The following FERRY3 variants were observed in gnomAD, a reference collection of about 807,000 sequenced individuals.
FERRY3 encodes the protein protein C12orf4.
chr12:4,522,843 A>T, the FERRY3 span, among the ~76,000 whole-genome samples: 1 of 152,256 alleles, frequency 6.6e-6, no homozygotes, highest in Non-Finnish European at 1.5e-5. Flanking sequence ...AAAAAGAACC[A>T]CTAATAAACA....
the FERRY3 span, among the ~76,000 whole-genome samples, chr12:4,505,858 T>G: frequency 6.6e-6 from 1 of 152,218 alleles, no homozygotes; most frequent in African/African-American, 2.4e-5. Flanking sequence ...TGATATAACT[T>G]GTTCAGGGCT....
chr12:4,503,713 T>C, the FERRY3 span, among the ~76,000 whole-genome samples: 1 of 152,200 alleles, frequency 6.6e-6, no homozygotes, highest in Non-Finnish European at 1.5e-5. Flanking sequence ...AAGAGAGTCC[T>C]TGTTATGTTC....
chr12:4,504,911 C>T, the FERRY3 span, among the ~76,000 whole-genome samples: 5 of 151,908 alleles, frequency 3.3e-5, no homozygotes, highest in East Asian at 1.9e-4. Context: ...AAGACCAGCC[C>T]GGCCAACATG....
the FERRY3 span, chr12:4,502,587 G>T: frequency 2.9e-6 from 1 of 345,818 alleles, no homozygotes; most frequent in African/African-American, 2.2e-5. This position sits in a 1 kb window ranked among gnomAD's most constrained non-coding sequence, Gnocchi z 4.2. Context: ...AAAGGTCTGC[G>T]TATCTCTACT....
chr12:4,513,347 C>T, the FERRY3 span, among the ~76,000 whole-genome samples: 2 of 152,164 alleles, frequency 1.3e-5, no homozygotes, highest in African/African-American at 4.8e-5. Context: ...GTGCCATCCG[C>T]ATCACAAGCT....
the FERRY3 span, among the ~76,000 whole-genome samples, chr12:4,494,529 C>A: frequency 6.6e-6 from 1 of 152,184 alleles, no homozygotes; most frequent in Non-Finnish European, 1.5e-5. Context: ...GTAAGGGTTA[C>A]GATTGTCTTT....
the FERRY3 span, among the ~76,000 whole-genome samples, chr12:4,504,451 G>A: frequency 6.6e-6 from 1 of 152,110 alleles, no homozygotes; most frequent in African/African-American, 2.4e-5. Flanking sequence ...TTGAGAGACT[G>A]AATTTTCAGT....
chr12:4,489,577 G>GA, the FERRY3 span: 4 of 316,358 alleles, frequency 1.3e-5, no homozygotes, highest in South Asian at 9.6e-5. Flanking sequence ...ACACAGAGAA[G>GA]AAAAAAAGAG....
the FERRY3 span, chr12:4,525,624 T>C: frequency 7.0e-7 from 1 of 1,431,170 alleles, no homozygotes; most frequent in Non-Finnish European, 9.7e-7. Flanking sequence ...TCATCAAACT[T>C]TCAAGGTATA....
chr12:4,513,379 A>C, the FERRY3 span, among the ~76,000 whole-genome samples: 2 of 152,116 alleles, frequency 1.3e-5, no homozygotes, highest in Admixed American at 6.5e-5. Flanking sequence ...TCTTCACAGA[A>C]TTGGAAAAAA....
the FERRY3 span, chr12:4,529,908 A>G: frequency 6.2e-7 from 1 of 1,603,050 alleles, no homozygotes; most frequent in Non-Finnish European, 8.5e-7. Context: ...TCTTTCACCA[A>G]TCAGTTCTGA....
the FERRY3 span, among the ~76,000 whole-genome samples, chr12:4,519,509 T>C: frequency 6.6e-6 from 1 of 152,212 alleles, no homozygotes; most frequent in East Asian, 1.9e-4. This position sits in a 1 kb window ranked among gnomAD's most constrained non-coding sequence, Gnocchi z 4.3. Context: ...TGGTATATGC[T>C]GAGGATGATA....
the FERRY3 span, among the ~76,000 whole-genome samples, chr12:4,511,275 C>G: frequency 6.6e-6 from 1 of 150,846 alleles, no homozygotes; most frequent in Non-Finnish European, 1.5e-5. Context: ...ACTTAGACTC[C>G]CACACATTAA....
chr12:4,496,404 G>A, the FERRY3 span, among the ~76,000 whole-genome samples: 1 of 152,188 alleles, frequency 6.6e-6, no homozygotes, highest in Non-Finnish European at 1.5e-5. Context: ...CCAGGTAACA[G>A]TACAGAAAGT....
At chr12:4,519,388 C>T in the FERRY3 span, among the ~76,000 whole-genome samples, 1 of 152,010 alleles carries the variant, frequency 6.6e-6, no homozygotes, top group African/African-American at 2.4e-5. This position sits in a 1 kb window ranked among gnomAD's most constrained non-coding sequence, Gnocchi z 4.3. Flanking sequence ...TCTTTTTTAC[C>T]TCCAACATTC....
the FERRY3 span, among the ~76,000 whole-genome samples, chr12:4,511,262 G>T: frequency 6.6e-6 from 1 of 151,168 alleles, no homozygotes; most frequent in African/African-American, 2.4e-5. Flanking sequence ...GACCTACAAA[G>T]AGACTTAGAC....
the FERRY3 span, among the ~76,000 whole-genome samples, chr12:4,496,574 A>G: frequency 6.6e-6 from 1 of 151,760 alleles, no homozygotes; most frequent in East Asian, 1.9e-4. Context: ...CACACTTTAG[A>G]TGACATGTGC....
At chr12:4,509,066 C>T in the FERRY3 span, 2 of 151,374 alleles carry the variant, frequency 1.3e-5, no homozygotes, top group Admixed American at 6.6e-5. Flanking sequence ...CGAAGCAGGG[C>T]GAGGCATTGC....
the FERRY3 span, among the ~76,000 whole-genome samples, chr12:4,537,525 A>C: frequency 3.9e-5 from 6 of 152,224 alleles, no homozygotes; most frequent in Non-Finnish European, 8.8e-5. Flanking sequence ...CTGGAAAAAT[A>C]AAGAACAAAA....
Sources: allele counts gnomAD v4.1 joint callset (sites outside exome capture counted in the v4.1 genomes callset), GRCh38; gene constraint gnomAD v4.1.1; non-coding constraint Gnocchi (gnomAD v3.1); transcripts MANE v1.5; gene names NCBI Gene and HGNC (gene_info 2026-07-23, HGNC 2026-07-21).